The following AGAP1 variants were observed in gnomAD, a reference collection of about 807,000 sequenced individuals.
AGAP1 encodes the protein ArfGAP with GTPase domain, ankyrin repeat and PH domain 1.
A neutral mutation model predicts 105.3 loss-of-function variants in AGAP1; 29 were observed. The ratio of observed to expected loss-of-function variants is 0.28; its 90% CI spans 0.21 to 0.38. The LOEUF is 0.38. Among genes scored for constraint, AGAP1 ranks in the 10% least tolerant of loss-of-function variants. The pLI is 1.00. For synonymous variants in AGAP1, 509 were observed against 485.9 expected, an observed-to-expected ratio of 1.05 and a Z score of -0.63; for missense variants, 998 against 1,165.1, an observed-to-expected ratio of 0.86 and a Z score of 2.09.
At chr2:235,852,173 G>A (rs1486543758) in intron 9 of AGAP1, among the ~76,000 whole-genome samples, 1 of 152,124 alleles carries the variant, frequency 6.6e-6, no homozygotes, top group African/African-American at 2.4e-5. Context: ...GTTTCTGATT[G>A]GGAAGATTTA....
intron 1 of AGAP1, among the ~76,000 whole-genome samples, chr2:235,538,787 G>A (rs909133241): frequency 2.0e-5 from 3 of 152,140 alleles, no homozygotes; most frequent in Non-Finnish European, 4.4e-5. Context: ...ATAGGATTTA[G>A]TATCCTGGAG....
intron 5 of AGAP1, among the ~76,000 whole-genome samples, chr2:235,749,948 G>A (rs1953293528): frequency 6.6e-6 from 1 of 152,180 alleles, no homozygotes; most frequent in African/African-American, 2.4e-5. Flanking sequence ...TGCGTCATTG[G>A]ACAAGTGACC....
intron 1 of AGAP1, among the ~76,000 whole-genome samples, chr2:235,542,136 T>A (rs1054131299): frequency 2.0e-5 from 3 of 152,240 alleles, no homozygotes; most frequent in Admixed American, 1.3e-4. Flanking sequence ...GTTTGTGTGC[T>A]TTGTATTTTC....
intron 13 of AGAP1, among the ~76,000 whole-genome samples, chr2:236,010,923 C>T (rs969322010): frequency 2.0e-5 from 3 of 152,012 alleles, no homozygotes; most frequent in East Asian, 1.9e-4. Context: ...GGCGGGCACT[C>T]GTGGTCCCAG....
chr2:235,892,021 G>A (rs1315834956), intron 10 of AGAP1, among the ~76,000 whole-genome samples: 1 of 152,254 alleles, frequency 6.6e-6, no homozygotes. Context: ...AGGTGTGCTG[G>A]TGGGTGCCTG....
chr2:235,674,782 A>C (rs1948636205), intron 1 of AGAP1, among the ~76,000 whole-genome samples: 1 of 146,528 alleles, frequency 6.8e-6, no homozygotes, highest in African/African-American at 2.6e-5. Flanking sequence ...TCCCCCTCCC[A>C]GGTTCAAGCA....
chr2:235,822,038 T>C (rs1385517981), intron 9 of AGAP1, among the ~76,000 whole-genome samples: 1 of 152,250 alleles, frequency 6.6e-6, no homozygotes, highest in Non-Finnish European at 1.5e-5. Flanking sequence ...GTCTTATTCC[T>C]GGGAACACTG....
chr2:235,945,601 T>G (rs2053459562), intron 12 of AGAP1, among the ~76,000 whole-genome samples: 1 of 152,100 alleles, frequency 6.6e-6, no homozygotes. Context: ...AAAAATTAAA[T>G]TTTAGAAACA....
At position 236,044,098 on chromosome 2, in the gene AGAP1, A is replaced by G. The variant is rs112681736; in HGVS notation, c.1891+3257A>G. Among the ~76,000 whole-genome samples the G allele has an allele frequency of 6.0e-3, 909 of 151,712 alleles. 8 individuals are homozygous for G. The highest frequency in any genetic ancestry group is 7.9e-3 in the Non-Finnish European group (533 of 67,748). ...TCTGGAGCTTTGGGGGTGCCTGTCT[A>G]TAAAGGGATTCTGAGAGCCAGTGAA... On this transcript the variant is annotated intron_variant, in intron 15 of 17. Transcript: ENST00000304032. This position sits in a 1 kb window ranked among gnomAD's most constrained non-coding sequence, Gnocchi z 5.7.
At position 235,751,818 on chromosome 2, in the gene AGAP1, A is replaced by G. The variant is rs988229395; in HGVS notation, c.673+1330A>G. ...GTTTCTTCTCGCCTTATCCAGTGCC[A>G]ATGCTGAAGAAGCGCAGGGTCCCCT... On this transcript the variant is annotated intron_variant, in intron 6 of 17. Transcript: ENST00000304032. The surrounding 1 kb of genome is among the most constrained non-coding windows in gnomAD (Gnocchi z 5.3). Among the ~76,000 whole-genome samples the G allele has an allele frequency of 7.9e-5, 12 of 152,138 alleles. No individual in the cohort carries two copies. Among genetic ancestry groups the G allele is most frequent in the African/African-American group, 2.9e-4 (12 of 41,428 alleles).
Position 235,843,649 on chromosome 2 carries a change from G to T in AGAP1, c.1050+36318G>T. Reference sequence around the variant, plus strand: ...TCTTTCTGCACCTGGGCTCCCCTCCGCCCTGCATCTGAGATCTCTGTTTTA... The same window carrying T: ...TCTTTCTGCACCTGGGCTCCCCTCCTCCCTGCATCTGAGATCTCTGTTTTA... On this transcript the variant is annotated intron_variant, in intron 9 of 17. Transcript: ENST00000304032. The surrounding 1 kb of genome is among the most constrained non-coding windows in gnomAD (Gnocchi z 5.9). Among the ~76,000 whole-genome samples the T allele has an allele frequency of 6.6e-6, 1 of 152,080 alleles. No individual in the cohort carries two copies. Among genetic ancestry groups the T allele is most frequent in the South Asian group, 2.1e-4 (1 of 4,824 alleles).
chr2:235,792,217 C>T lies in AGAP1; in HGVS notation c.674-5542C>T, dbSNP rs1957019792. On this transcript the variant is annotated intron_variant, in intron 6 of 17. Coordinates refer to ENST00000304032, the MANE Select transcript of AGAP1 (RefSeq NM_001037131.3). This position sits in a 1 kb window ranked among gnomAD's most constrained non-coding sequence, Gnocchi z 5.3. ...CATTAGTTGTCATCTAATGGTGGCTCTTCAGTGTCACTGCAATCTATACGC... is the reference window on the plus strand; with the variant it reads ...CATTAGTTGTCATCTAATGGTGGCTTTTCAGTGTCACTGCAATCTATACGC... 6.6e-6 allele frequency among the ~76,000 whole-genome samples: 1 copy of T among 152,142 alleles called. No individual in the cohort carries two copies. The highest frequency in any genetic ancestry group is 2.4e-5 in the African/African-American group (1 of 41,422).
At chr2:235,713,312 G>A (rs1388414394) in intron 2 of AGAP1, among the ~76,000 whole-genome samples, 1 of 152,164 alleles carries the variant, frequency 6.6e-6, no homozygotes, top group Non-Finnish European at 1.5e-5. Flanking sequence ...CGATTATAGA[G>A]GCCCAGGGTA....
chr2:235,737,529 C>G lies in AGAP1; in HGVS notation c.311-3434C>G, dbSNP rs1350037771. 1.3e-5 allele frequency among the ~76,000 whole-genome samples: 2 copies of G among 152,048 alleles called. No homozygotes were observed. Among genetic ancestry groups the G allele is most frequent in the African/African-American group, 4.8e-5 (2 of 41,428 alleles). ...AGAAATGAGAAGGCTCAGTGCCCTC[C>G]TAGGGAACCTTTCGTAACTTGAATA... On this transcript the variant is annotated intron_variant, in intron 3 of 17. Coordinates refer to ENST00000304032, the MANE Select transcript of AGAP1 (RefSeq NM_001037131.3). The surrounding 1 kb of genome is among the most constrained non-coding windows in gnomAD (Gnocchi z 4.5).
At chr2:236,063,103 A>T (rs568916783) in intron 16 of AGAP1, among the ~76,000 whole-genome samples, 23 of 150,922 alleles carry the variant, frequency 1.5e-4, no homozygotes, top group African/African-American at 4.9e-4. Flanking sequence ...CAGGACTTTT[A>T]TTTTTTTTGA....
At chr2:235,755,045 G>A (rs1483021824) in intron 6 of AGAP1, among the ~76,000 whole-genome samples, 1 of 152,152 alleles carries the variant, frequency 6.6e-6, no homozygotes, top group East Asian at 1.9e-4. Context: ...GACGTGGGCT[G>A]TGGGTACCCA....
chr2:235,877,352 T>C lies in AGAP1; in HGVS notation c.1051-5993T>C, dbSNP rs2049795158. 6.6e-6 allele frequency among the ~76,000 whole-genome samples: 1 copy of C among 152,174 alleles called. No homozygotes were observed. The highest frequency in any genetic ancestry group is 2.4e-5 in the African/African-American group (1 of 41,450). ...GCATTTAATGTTAAGGATGATGATGTTTTGCTGAAACAAAATGACGGCCAT... is the reference window on the plus strand; with the variant it reads ...GCATTTAATGTTAAGGATGATGATGCTTTGCTGAAACAAAATGACGGCCAT... On this transcript the variant is annotated intron_variant, in intron 9 of 17. Transcript: ENST00000304032. This position sits in a 1 kb window ranked among gnomAD's most constrained non-coding sequence, Gnocchi z 4.3.
chr2:235,499,581 A>G (rs1283266078), intron 1 of AGAP1, among the ~76,000 whole-genome samples: 1 of 152,152 alleles, frequency 6.6e-6, no homozygotes, highest in Non-Finnish European at 1.5e-5. Context: ...CGGGACCTCC[A>G]CAATGCGGGC....
At chr2:235,518,553 G>A (rs1329719286) in intron 1 of AGAP1, among the ~76,000 whole-genome samples, 1 of 152,154 alleles carries the variant, frequency 6.6e-6, no homozygotes, top group Non-Finnish European at 1.5e-5. Context: ...GTCACTGGGT[G>A]CCAGCTGTTT....
Sources: allele counts gnomAD v4.1 joint callset (sites outside exome capture counted in the v4.1 genomes callset), GRCh38; gene constraint gnomAD v4.1.1; non-coding constraint Gnocchi (gnomAD v3.1); transcripts MANE v1.5; gene names NCBI Gene and HGNC (gene_info 2026-07-23, HGNC 2026-07-21).